NSF: variants seen among roughly 807,000 people sequenced by gnomAD.
The protein encoded by NSF is N-ethylmaleimide sensitive factor, vesicle fusing ATPase.
A neutral mutation model predicts 50.3 loss-of-function variants in NSF; 14 were observed. The observed-to-expected ratio is 0.28, with a 90% CI of 0.18 to 0.44. The LOEUF (loss-of-function observed/expected upper bound fraction) is 0.44, where lower values mean the gene tolerates loss of function less well. Ranked by LOEUF, NSF falls within the 20% of genes least tolerant of loss-of-function variation. The pLI, the probability that NSF is intolerant of heterozygous loss-of-function variation, is 1.00. For synonymous variants in NSF, 109 were observed against 175.7 expected, an observed-to-expected ratio of 0.62 and a Z score of 3.00; for missense variants, 218 against 504.3, an observed-to-expected ratio of 0.43 and a Z score of 5.44.
intron 13 of NSF, among the ~76,000 whole-genome samples, chr17:46,707,786 C>G (rs1455146881): frequency 1.3e-5 from 2 of 152,090 alleles, no homozygotes; most frequent in African/African-American, 4.8e-5. Context: ...AATCCCAGCA[C>G]TTTTGGAGAT....
At chr17:46,713,154 G>A (rs2058735646) in intron 14 of NSF, 2 of 152,210 alleles carry the variant, frequency 1.3e-5, no homozygotes, top group African/African-American at 2.4e-5. Context: ...TTGTTGTTAT[G>A]TATTAAACTG....
At chr17:46,720,838 G>A (rs1038844852) in intron 15 of NSF, among the ~76,000 whole-genome samples, 2 of 152,172 alleles carry the variant, frequency 1.3e-5, no homozygotes, top group African/African-American at 4.8e-5. Context: ...AGGGCACTAA[G>A]GAGGTCCCAG....
chr17:46,718,939 T>C (rs191016790), intron 15 of NSF, among the ~76,000 whole-genome samples: 12 of 152,340 alleles, frequency 7.9e-5, no homozygotes, highest in Admixed American at 7.8e-4. Context: ...ATTGTAAAGA[T>C]TTTTGATACA....
At chr17:46,713,038 A>G (rs1210104826) in intron 14 of NSF, 2 of 152,144 alleles carry the variant, frequency 1.3e-5, no homozygotes, top group African/African-American at 4.8e-5. Context: ...GATGGGTGGG[A>G]GGTGAAGAAC....
At chr17:46,697,533 T>TA (rs893554465) in intron 12 of NSF, among the ~76,000 whole-genome samples, 2 of 140,014 alleles carry the variant, frequency 1.4e-5, no homozygotes, top group Non-Finnish European at 3.1e-5. Context: ...TGAGTAAACT[T>TA]ACGTAACTAT....
intron 14 of NSF, among the ~76,000 whole-genome samples, chr17:46,712,998 A>G (rs2058734221): frequency 2.0e-5 from 3 of 152,144 alleles, no homozygotes; most frequent in Admixed American, 6.5e-5. Flanking sequence ...GTTCAGTGTA[A>G]TGGGGATGGG....
intron 9 of NSF, among the ~76,000 whole-genome samples, chr17:46,678,722 A>C (rs1209837382): frequency 8.4e-6 from 1 of 119,280 alleles, no homozygotes; most frequent in Non-Finnish European, 1.7e-5. Flanking sequence ...TAAATTGCTG[A>C]AAACCAAAAA....
chr17:46,693,157 GTT>G, intron 10 of NSF, 89 bp downstream of exon 10: 3 of 1,191,798 alleles, frequency 2.5e-6, no homozygotes, highest in Non-Finnish European at 3.4e-6. Flanking sequence ...TGATTAAACT[GTT>G]TTGCCAGTGT....
intron 17 of NSF, 92 bp from the exon 18 acceptor site, chr17:46,749,681 T>C: frequency 1.6e-6 from 2 of 1,223,006 alleles, no homozygotes; most frequent in Non-Finnish European, 2.2e-6. Flanking sequence ...CAAGATTAAA[T>C]AAAAGTCTTT....
intron 11 of NSF, 33 bp downstream of exon 11, chr17:46,693,954 TG>T: frequency 4.1e-6 from 1 of 243,712 alleles, no homozygotes; most frequent in Non-Finnish European, 6.2e-6. Flanking sequence ...GGGTGTGTGG[TG>T]GGGGGAGTGG....
At chr17:46,749,657 A>G in intron 17 of NSF, 116 bp from the exon 18 acceptor site, 1 of 959,806 alleles carries the variant, frequency 1.0e-6, no homozygotes, top group East Asian at 2.6e-5. Context: ...GTTTTGCCTA[A>G]TCATTTGCAT....
intron 19 of NSF, among the ~76,000 whole-genome samples, chr17:46,754,508 T>A (rs1011191967): frequency 2.6e-5 from 4 of 152,080 alleles, no homozygotes; most frequent in Non-Finnish European, 5.9e-5. Context: ...TTTCTTACAA[T>A]AAAAATTCAT....
intron 1 of NSF, among the ~76,000 whole-genome samples, chr17:46,605,995 C>CAAAAA (rs59118188): frequency 5.9e-4 from 30 of 51,048 alleles, no homozygotes; most frequent in African/African-American, 8.2e-4. Flanking sequence ...ACTAAAAATA[C>CAAAAA]AAAAAAAAAA....
At chr17:46,718,180 G>A (rs549813001) in intron 15 of NSF, among the ~76,000 whole-genome samples, 1 of 152,324 alleles carries the variant, frequency 6.6e-6, no homozygotes, top group South Asian at 2.1e-4. Context: ...GAACCTTGGT[G>A]TTTGCTCTCC....
At chr17:46,755,487 G>A (rs772285579) in intron 20 of NSF, 118 bp downstream of exon 20, 6 of 931,128 alleles carry the variant, frequency 6.4e-6, no homozygotes, top group East Asian at 2.6e-5. Flanking sequence ...TGAATTCTTC[G>A]CTGTGTTGTA....
Position 46,755,414 on chromosome 17 carries a change from CCT to C in NSF, c.2213+46_2213+47del, listed in dbSNP as rs749203781. The C allele has an allele frequency of 1.3e-5, 18 of 1,425,546 alleles. No individual in the cohort carries two copies. In the South Asian group the frequency reaches 2.1e-4, roughly 16 times the overall value. 88.3% of individuals were successfully genotyped at this position (1,425,546 alleles called of 1,614,324 possible). ...AATGACCATCAACCAAACTTACCAC[CCT>C]GTTAAATCCCTGTGCCTATTCTAAG... On this transcript the variant is annotated intron_variant, in intron 20 of 20. Coordinates refer to ENST00000398238, the MANE Select transcript of NSF (RefSeq NM_006178.4).
chr17:46,609,988 A>T (rs1316640072), intron 1 of NSF, among the ~76,000 whole-genome samples: 1 of 140,548 alleles, frequency 7.1e-6, no homozygotes, highest in East Asian at 1.9e-4. Flanking sequence ...AGCCAGGCTA[A>T]TTTATTTTCT....
intron 15 of NSF, among the ~76,000 whole-genome samples, chr17:46,724,331 A>G (rs1487596370): frequency 6.6e-6 from 1 of 152,164 alleles, no homozygotes; most frequent in Non-Finnish European, 1.5e-5. Context: ...TTTTATTTAC[A>G]CTACTATATC....
At chr17:46,712,312 C>T (rs1444411970) in intron 14 of NSF, among the ~76,000 whole-genome samples, 3 of 152,182 alleles carry the variant, frequency 2.0e-5, no homozygotes, top group Admixed American at 6.5e-5. Context: ...GCACTGTGCA[C>T]ATATTATCTA....
Sources: allele counts gnomAD v4.1 joint callset (sites outside exome capture counted in the v4.1 genomes callset), GRCh38; gene constraint gnomAD v4.1.1; transcripts MANE v1.5; gene names NCBI Gene and HGNC (gene_info 2026-07-23, HGNC 2026-07-21).